CCDC185: variants seen among roughly 807,000 people sequenced by gnomAD.
CCDC185 encodes the protein coiled-coil domain-containing protein 185.
For synonymous variants in CCDC185, 381 were observed against 348.1 expected, an observed-to-expected ratio of 1.09 and a Z score of -1.05; for missense variants, 982 against 825.3, an observed-to-expected ratio of 1.19 and a Z score of -2.33.
chr1:223,394,121 G>T lies in CCDC185; in HGVS notation c.646G>T (p.Asp216Tyr), dbSNP rs1447268282. The T allele has an allele frequency of 6.2e-7, 1 of 1,614,058 alleles. No homozygotes were observed. Among genetic ancestry groups the T allele is most frequent in the South Asian group, 1.1e-5 (1 of 91,076 alleles). The change falls in exon 1 of 1, where the codon GAC (aspartate) becomes TAC (tyrosine). Residue 216 changes from aspartate (D) to tyrosine (Y), a missense_variant. Physicochemically the swap from Asp to Tyr is radical, Grantham distance 160 (BLOSUM62 -3). Transcript: ENST00000366875. ...GTGCGCCCAGAAGAGAGACAGCAGC[G>T]ACCAGGTTGAGTCATTAGCCAGCCG... ...CVCAQKRDSS[D>Y]QVESLASRDS...
At position 223,393,801 on chromosome 1, in the gene CCDC185, C is replaced by T. The variant is rs1181675948; in HGVS notation, c.326C>T (p.Ala109Val). The T allele has an allele frequency of 2.5e-6, 4 of 1,582,100 alleles. No homozygotes were observed. Among genetic ancestry groups the T allele is most frequent in the South Asian group, 1.1e-5 (1 of 87,766 alleles). The change falls in exon 1 of 1, where the codon GCC becomes GTC. Residue 109 changes from alanine (A) to valine (V), a missense_variant. Physicochemically the swap from Ala to Val is moderately conservative, Grantham distance 64. Transcript: ENST00000366875. The surrounding 1 kb of genome is among the most constrained non-coding windows in gnomAD (Gnocchi z 4.8). ...HRPRSRRLED[A>V]WGETGTKPRP... is the part of the protein sequence containing the mutation. ...CCCCGCAGCAGGCGCCTGGAAGATGCCTGGGGAGAGACAGGAACCAAGCCC... is the reference window on the plus strand; with the variant it reads ...CCCCGCAGCAGGCGCCTGGAAGATGTCTGGGGAGAGACAGGAACCAAGCCC...
the CCDC185 span, chr1:223,393,548 C>T: frequency 2.6e-5 from 41 of 1,557,474 alleles, no homozygotes; most frequent in Middle Eastern, 1.9e-4. The surrounding 1 kb of genome is among the most constrained non-coding windows in gnomAD (Gnocchi z 4.8). Context: ...CGGCGGAGAA[C>T]GAGAGTCCAC....
rs762414708 is a variant in CCDC185, at chr1:223,395,359, G to T, written c.*12G>T. 2.3e-5 allele frequency: 34 copies of T among 1,503,472 alleles called. No individual in the cohort carries two copies. Among genetic ancestry groups the T allele is most frequent in the Non-Finnish European group, 2.8e-5 (32 of 1,128,306 alleles). The allele number at this position is 1,503,472 out of a possible 1,614,324, so 93.1% of individuals were successfully genotyped here. On this transcript the variant is annotated 3_prime_UTR_variant, in exon 1 of 1. Coordinates refer to ENST00000366875, the MANE Select transcript of CCDC185 (RefSeq NM_152610.3). ...ACAGGGGTTACTGAGAACCAAGGAC[G>T]CCTGGCTTACAGTGCGCAGCCAGAA...
At position 223,394,099 on chromosome 1, in the gene CCDC185, C is replaced by T. The variant is rs202172237; in HGVS notation, c.624C>T (p.Cys208=). 4.8e-5 allele frequency: 77 copies of T among 1,614,100 alleles called. No homozygotes were observed. Among genetic ancestry groups the T allele is most frequent in the East Asian group, 3.3e-4 (15 of 44,856 alleles). Residue 208 remains cysteine, a synonymous_variant, in exon 1 of 1, where the codon TGC becomes TGT. Transcript: ENST00000366875. ...TCAAGAGGCACTCAGCCTGCGTGTG[C>T]GCCCAGAAGAGAGACAGCAGCGACC... ...QKFKRHSACV[C]AQKRDSSDQV...
Position 223,393,843 on chromosome 1 carries a change from C to T in CCDC185, c.368C>T (p.Pro123Leu), listed in dbSNP as rs751823548. 2.9e-5 allele frequency: 47 copies of T among 1,600,386 alleles called. No individual in the cohort carries two copies. Among genetic ancestry groups the T allele is most frequent in the African/African-American group, 1.3e-5 (1 of 74,684 alleles). ...TGTKPRPAWQ[P>L]QTQLPPQRPQ... ...ACCAAGCCCCGCCCGGCTTGGCAGC[C>T]GCAGACCCAGCTGCCACCCCAGCGG... The change falls in exon 1 of 1, where the codon CCG (proline) becomes CTG (leucine). Residue 123 changes from proline (P) to leucine (L), a missense_variant. By Grantham distance (98) the Pro-to-Leu change is moderately conservative (BLOSUM62 -3). Transcript: ENST00000366875. This position sits in a 1 kb window ranked among gnomAD's most constrained non-coding sequence, Gnocchi z 4.8.
chr1:223,394,707 A>G lies in CCDC185; in HGVS notation c.1232A>G (p.His411Arg). ...LVEACRKRHL[H>R]AVEGQKKVQD... ...GAAGCCTGTCGCAAGAGGCACCTAC[A>G]TGCCGTGGAGGGCCAGAAGAAGGTC... Residue 411 changes from histidine (H) to arginine (R), a missense_variant, in exon 1 of 1, where the codon CAT becomes CGT. By Grantham distance (29) the His-to-Arg change is conservative. Coordinates refer to ENST00000366875, the MANE Select transcript of CCDC185 (RefSeq NM_152610.3). The G allele has an allele frequency of 2.5e-6, 4 of 1,611,934 alleles. No homozygotes were observed. Among genetic ancestry groups the G allele is most frequent in the Non-Finnish European group, 3.4e-6 (4 of 1,179,284 alleles).
At position 223,394,234 on chromosome 1, in the gene CCDC185, C is replaced by G. The variant is rs537916148; in HGVS notation, c.759C>G (p.Ser253=). Residue 253 remains serine (S), a synonymous_variant, in exon 1 of 1, where the codon TCC becomes TCG. Coordinates refer to ENST00000366875, the MANE Select transcript of CCDC185 (RefSeq NM_152610.3). ...LKSKLEEVVV[S]SQDQQIVALV... ...GCAAGCTGGAAGAGGTGGTGGTGTC[C>G]TCCCAGGACCAGCAGATTGTGGCCC... The G allele has an allele frequency of 3.1e-6, 5 of 1,613,964 alleles. No individual in the cohort carries two copies. In the South Asian group the frequency reaches 5.5e-5, roughly 18 times the overall value.
In CCDC185 at chr1:223,394,471, G is replaced by C. The variant is rs773266713; in HGVS notation, c.996G>C (p.Arg332=). The C allele has an allele frequency of 5.1e-6, 8 of 1,573,298 alleles. No individual in the cohort carries two copies. In the Admixed American group the frequency reaches 1.5e-4, roughly 30 times the overall value. The part of the protein sequence containing the change: ...LQSPEQRGLR[R]DSQRKNVPPG... ...GCCCTGAGCAGCGCGGCCTGCGGCG[G>C]GACAGCCAGAGGAAGAACGTGCCCC... is the stretch of plus-strand genomic sequence containing the variant. The change falls in exon 1 of 1, where the codon CGG becomes CGC. Residue 332 remains arginine (R), a synonymous_variant. Coordinates refer to ENST00000366875, the MANE Select transcript of CCDC185 (RefSeq NM_152610.3).
chr1:223,394,395 G>T lies in CCDC185; in HGVS notation c.920G>T (p.Arg307Leu), dbSNP rs749293228. Residue 307 changes from arginine (R) to leucine (L), a missense_variant, in exon 1 of 1, where the codon CGG becomes CTG. Transcript: ENST00000366875. The part of the protein sequence containing the change: ...TLERERRLLL[R>L]QSQEQWQEKE... Reference sequence around the variant, plus strand: ...GAGCGGGAGCGCCGGCTGCTGCTGCGGCAGAGCCAGGAGCAGTGGCAGGAG... The same window carrying T: ...GAGCGGGAGCGCCGGCTGCTGCTGCTGCAGAGCCAGGAGCAGTGGCAGGAG... 6.4e-7 allele frequency: 1 copy of T among 1,569,888 alleles called. No individual in the cohort carries two copies. The highest frequency in any genetic ancestry group is 8.6e-7 in the Non-Finnish European group (1 of 1,157,906).
In CCDC185 at chr1:223,394,532, C is replaced by G; in HGVS notation, c.1057C>G (p.Gln353Glu). Reference sequence around the variant, plus strand: ...CCGGTGGAAGGAGCAACCAGAGGACCAGGAGAGCCCGCGCCAGGAGAAGCT... The same window carrying G: ...CCGGTGGAAGGAGCAACCAGAGGACGAGGAGAGCCCGCGCCAGGAGAAGCT... ...ESRWKEQPED[Q>E]ESPRQEKLEK... The change falls in exon 1 of 1, where the codon CAG becomes GAG. Residue 353 changes from glutamine to glutamate, a missense_variant. Coordinates refer to ENST00000366875, the MANE Select transcript of CCDC185 (RefSeq NM_152610.3). 1.3e-6 allele frequency: 2 copies of G among 1,597,676 alleles called. No homozygotes were observed. Among genetic ancestry groups the G allele is most frequent in the Non-Finnish European group, 1.7e-6 (2 of 1,172,716 alleles).
In CCDC185 at chr1:223,393,550, A is replaced by G. The variant is rs1669598725; in HGVS notation, c.75A>G (p.Arg25=). The G allele has an allele frequency of 1.3e-6, 2 of 1,558,542 alleles. No homozygotes were observed. The highest frequency in any genetic ancestry group is 1.7e-6 in the Non-Finnish European group (2 of 1,154,208). Residue 25 remains arginine, a synonymous_variant, in exon 1 of 1, where the codon CGA becomes CGG. Coordinates refer to ENST00000366875, the MANE Select transcript of CCDC185 (RefSeq NM_152610.3). The surrounding 1 kb of genome is among the most constrained non-coding windows in gnomAD (Gnocchi z 4.8). The part of the protein sequence containing the change: ...LWEPPRPGGE[R]ESTQRLGGQR... Reference sequence around the variant, plus strand: ...AACCCCCGCGGCCCGGCGGAGAACGAGAGTCCACGCAGCGGCTGGGCGGGC... The same window carrying G: ...AACCCCCGCGGCCCGGCGGAGAACGGGAGTCCACGCAGCGGCTGGGCGGGC...
chr1:223,394,980 G>T lies in CCDC185; in HGVS notation c.1505G>T (p.Arg502Leu), dbSNP rs754309150. Reference protein sequence around the residue: ...AGESEEQRKMRKRILVELADE... With the variant: ...AGESEEQRKMLKRILVELADE... Reference sequence around the variant, plus strand: ...GAGTCAGAGGAACAGAGGAAGATGCGCAAAAGAATTCTGGTGGAGCTGGCG... The same window carrying T: ...GAGTCAGAGGAACAGAGGAAGATGCTCAAAAGAATTCTGGTGGAGCTGGCG... The change falls in exon 1 of 1, where the codon CGC (arginine) becomes CTC (leucine). Residue 502 changes from arginine to leucine, a missense_variant. Arg to Leu is a moderately radical substitution (Grantham distance 102). Coordinates refer to ENST00000366875, the MANE Select transcript of CCDC185 (RefSeq NM_152610.3). The T allele has an allele frequency of 4.3e-6, 7 of 1,614,090 alleles. No homozygotes were observed. The highest frequency in any genetic ancestry group is 1.6e-4 in the Middle Eastern group (1 of 6,062).
Position 223,393,651 on chromosome 1 carries a change from G to T in CCDC185, c.176G>T (p.Trp59Leu), listed in dbSNP as rs1047620810. Residue 59 changes from tryptophan to leucine, a missense_variant, in exon 1 of 1, where the codon TGG becomes TTG. Transcript: ENST00000366875. This position sits in a 1 kb window ranked among gnomAD's most constrained non-coding sequence, Gnocchi z 4.8. ...PGAESEAGAC[W>L]LHPHCSFTPR... Reference sequence around the variant, plus strand: ...GCGGAGAGCGAAGCTGGGGCGTGCTGGCTGCACCCGCACTGTTCGTTCACC... The same window carrying T: ...GCGGAGAGCGAAGCTGGGGCGTGCTTGCTGCACCCGCACTGTTCGTTCACC... The T allele has an allele frequency of 1.9e-6, 3 of 1,541,372 alleles. No individual in the cohort carries two copies. Among genetic ancestry groups the T allele is most frequent in the Non-Finnish European group, 2.6e-6 (3 of 1,147,318 alleles).
Position 223,394,747 on chromosome 1 carries a change from G to T in CCDC185, c.1272G>T (p.Leu424=), listed in dbSNP as rs763287610. 6.2e-7 allele frequency: 1 copy of T among 1,611,948 alleles called. No homozygotes were observed. The highest frequency in any genetic ancestry group is 8.5e-7 in the Non-Finnish European group (1 of 1,178,692). Residue 424 remains leucine (L), a synonymous_variant, in exon 1 of 1, where the codon CTG becomes CTT. Transcript: ENST00000366875. ...AGAAGAAGGTCCAGGACACCAACCT[G>T]AGCTCCCTCATCAATTACCAGGCCC... The part of the protein sequence containing the change: ...EGQKKVQDTN[L]SSLINYQARK...
At chr1:223,393,497 TC>T in the CCDC185 span, 2 of 1,508,664 alleles carry the variant, frequency 1.3e-6, no homozygotes, top group African/African-American at 1.4e-5. The surrounding 1 kb of genome is among the most constrained non-coding windows in gnomAD (Gnocchi z 4.8). Flanking sequence ...CAGCCACTTC[TC>T]CCAGCCGCCC....
At position 223,394,198 on chromosome 1, in the gene CCDC185, G is replaced by C; in HGVS notation, c.723G>C (p.Gln241His). The C allele has an allele frequency of 6.2e-7, 1 of 1,614,018 alleles. No homozygotes were observed. Among genetic ancestry groups the C allele is most frequent in the Non-Finnish European group, 8.5e-7 (1 of 1,180,034 alleles). The change falls in exon 1 of 1, where the codon CAG becomes CAC. Residue 241 changes from glutamine (Q) to histidine (H), a missense_variant. Coordinates refer to ENST00000366875, the MANE Select transcript of CCDC185 (RefSeq NM_152610.3). ...AAGAGATGCGGAGCCCGCACACCCA[G>C]GTCCTGAAGAGCAAGCTGGAAGAGG... ...SSKEMRSPHT[Q>H]VLKSKLEEVV...
In CCDC185 at chr1:223,394,002, T is replaced by C. The variant is rs778516208; in HGVS notation, c.527T>C (p.Leu176Pro). Reference protein sequence around the residue: ...AQGGDQWAVPLGRHLGRWSPS... With the variant: ...AQGGDQWAVPPGRHLGRWSPS... ...GGTGGAGACCAGTGGGCAGTGCCAC[T>C]CGGCAGACATCTAGGTCGCTGGTCC... is the stretch of plus-strand genomic sequence containing the variant. Residue 176 changes from leucine (L) to proline (P), a missense_variant, in exon 1 of 1, where the codon CTC becomes CCC. By Grantham distance (98) the Leu-to-Pro change is moderately conservative. Coordinates refer to ENST00000366875, the MANE Select transcript of CCDC185 (RefSeq NM_152610.3). 2 of 1,614,112 alleles carry C rather than the reference T, an allele frequency of 1.2e-6. No individual in the cohort carries two copies. The highest frequency in any genetic ancestry group is 1.7e-6 in the Non-Finnish European group (2 of 1,180,020).
rs1018061266 is a variant in CCDC185 at position 223,394,094 on chromosome 1, G to C, written c.619G>C (p.Val207Leu). The C allele has an allele frequency of 1.2e-6, 2 of 1,614,162 alleles. No individual in the cohort carries two copies. The highest frequency in any genetic ancestry group is 2.7e-5 in the African/African-American group (2 of 75,068). ...SQKFKRHSAC[V>L]CAQKRDSSDQ... ...AAAGTTCAAGAGGCACTCAGCCTGC[G>C]TGTGCGCCCAGAAGAGAGACAGCAG... is the stretch of plus-strand genomic sequence containing the variant. The change falls in exon 1 of 1, where the codon GTG (valine) becomes CTG (leucine). Residue 207 changes from valine (V) to leucine (L), a missense_variant. Coordinates refer to ENST00000366875, the MANE Select transcript of CCDC185 (RefSeq NM_152610.3).
rs766498404 is a variant in CCDC185 at position 223,394,079 on chromosome 1, A to G, written c.604A>G (p.Arg202Gly). Residue 202 changes from arginine to glycine, a missense_variant, in exon 1 of 1, where the codon AGG (arginine) becomes GGG (glycine). Physicochemically the swap from Arg to Gly is moderately radical, Grantham distance 125. Coordinates refer to ENST00000366875, the MANE Select transcript of CCDC185 (RefSeq NM_152610.3). Reference sequence around the variant, plus strand: ...TTCTGTGCCCTCGCAAAAGTTCAAGAGGCACTCAGCCTGCGTGTGCGCCCA... The same window carrying G: ...TTCTGTGCCCTCGCAAAAGTTCAAGGGGCACTCAGCCTGCGTGTGCGCCCA... ...RSSVPSQKFKRHSACVCAQKR... is the reference protein window; with the variant it reads ...RSSVPSQKFKGHSACVCAQKR... 5.0e-6 allele frequency: 8 copies of G among 1,614,090 alleles called. No homozygotes were observed. The South Asian group carries it at 8.8e-5, about 18-fold the overall frequency.
Sources: allele counts gnomAD v4.1 joint callset, GRCh38; gene constraint gnomAD v4.1.1; non-coding constraint Gnocchi (gnomAD v3.1); transcripts MANE v1.5; gene names NCBI Gene and HGNC (gene_info 2026-07-23, HGNC 2026-07-21).